Variants in PTPDC1 observed in about 807,000 individuals in gnomAD.
The protein encoded by PTPDC1 is protein tyrosine phosphatase domain-containing protein 1.
A neutral mutation model predicts 75.3 loss-of-function variants in PTPDC1; 53 were observed. The ratio of observed to expected loss-of-function variants is 0.70; its 90% CI spans 0.56 to 0.88. The LOEUF is 0.88. Ranked by LOEUF, PTPDC1 falls within the 40% of genes least tolerant of loss-of-function variation. The pLI is 0.00. For synonymous variants in PTPDC1, 349 were observed against 366.2 expected (o/e 0.95, Z 0.54); for missense variants, 925 against 998.6 (o/e 0.93, Z 0.99).
intron 2 of PTPDC1, among the ~76,000 whole-genome samples, chr9:94,073,614 A>T (rs1254950289): frequency 6.6e-6 from 1 of 151,852 alleles, no homozygotes; most frequent in Non-Finnish European, 1.5e-5. Flanking sequence ...TCTTATTTTT[A>T]TCTGTCCAAT....
chr9:94,065,476 A>C (rs1826272441), intron 2 of PTPDC1, among the ~76,000 whole-genome samples: 1 of 152,258 alleles, frequency 6.6e-6, no homozygotes, highest in Admixed American at 6.5e-5. Flanking sequence ...GTCCTACTGT[A>C]TGGAGAACTT....
chr9:94,088,369 G>T (rs769248487), intron 4 of PTPDC1, 106 bp downstream of exon 4: 36 of 1,309,728 alleles, frequency 2.7e-5, no homozygotes, highest in Non-Finnish European at 3.8e-5. Flanking sequence ...AATACCTTCT[G>T]CATCATAGTA....
At chr9:94,107,229 C>T (rs1313075936) in intron 8 of PTPDC1, among the ~76,000 whole-genome samples, 1 of 152,224 alleles carries the variant, frequency 6.6e-6, no homozygotes, top group African/African-American at 2.4e-5. Context: ...GCTGGGATTA[C>T]AGGCATGAGC....
upstream of PTPDC1, among the ~76,000 whole-genome samples, chr9:94,079,565 C>G (rs1826809759): frequency 6.6e-6 from 1 of 152,194 alleles, no homozygotes; most frequent in Admixed American, 6.5e-5. Flanking sequence ...ACTAGTGTGA[C>G]TACAGTTCAG....
chr9:94,104,723 C>T (rs1267678525), intron 8 of PTPDC1, among the ~76,000 whole-genome samples: 2 of 151,626 alleles, frequency 1.3e-5, no homozygotes, highest in East Asian at 3.9e-4. Flanking sequence ...CTTTGCTTGT[C>T]GAGTCAGTTC....
chr9:94,048,421 T>C (rs1295339838), intron 1 of PTPDC1, among the ~76,000 whole-genome samples: 1 of 152,160 alleles, frequency 6.6e-6, no homozygotes, highest in African/African-American at 2.4e-5. Context: ...TTCTCGTTGG[T>C]TTCAAAGAAC....
At chr9:94,060,466 A>AACATAT (rs1403700673) in intron 1 of PTPDC1, among the ~76,000 whole-genome samples, 2 of 152,224 alleles carry the variant, frequency 1.3e-5, no homozygotes, top group Non-Finnish European at 2.9e-5. Context: ...CAATTAACTC[A>AACATAT]ACATATACTT....
intron 1 of PTPDC1, among the ~76,000 whole-genome samples, chr9:94,052,641 G>A (rs1409620594): frequency 6.6e-6 from 1 of 152,050 alleles, no homozygotes; most frequent in African/African-American, 2.4e-5. Flanking sequence ...TTTAGTTCTT[G>A]CAATTGGATG....
intron 7 of PTPDC1, among the ~76,000 whole-genome samples, chr9:94,103,698 G>A (rs1827922130): frequency 6.6e-6 from 1 of 152,072 alleles, no homozygotes; most frequent in Non-Finnish European, 1.5e-5. Context: ...TTTCTTCTTT[G>A]CTAAGGTAAA....
intron 1 of PTPDC1, among the ~76,000 whole-genome samples, chr9:94,051,560 G>A (rs1490483197): frequency 1.3e-5 from 2 of 152,134 alleles, no homozygotes; most frequent in Admixed American, 1.3e-4. Context: ...ATGTTTGGTG[G>A]AATTCACCAG....
At chr9:94,070,733 G>A (rs977723002) in intron 2 of PTPDC1, among the ~76,000 whole-genome samples, 17 of 152,106 alleles carry the variant, frequency 1.1e-4, no homozygotes, top group South Asian at 4.1e-4. Context: ...TTTTGTCATC[G>A]CAAAAATGTT....
Position 94,097,706 on chromosome 9 carries a change from G to C in PTPDC1, c.1140G>C (p.Glu380Asp). Residue 380 changes from glutamate to aspartate, a missense_variant, in exon 6 of 9, where the codon GAG (glutamate) becomes GAC (aspartate). Physicochemically the swap from Glu to Asp is conservative, Grantham distance 45. Transcript: ENST00000620992. Reference protein sequence around the residue: ...LSAEIEKTMSEMVTMQLDKEL... With the variant: ...LSAEIEKTMSDMVTMQLDKEL... ...CTGAAATAGAAAAGACAATGTCTGA[G>C]ATGGTCACCATGCAGCTGGATAAAG... The C allele has an allele frequency of 6.2e-7, 1 of 1,614,210 alleles. No homozygotes were observed. The highest frequency in any genetic ancestry group is 8.5e-7 in the Non-Finnish European group (1 of 1,180,038).
chr9:94,049,446 A>C (rs998678948), intron 1 of PTPDC1, among the ~76,000 whole-genome samples: 53 of 152,236 alleles, frequency 3.5e-4, no homozygotes, highest in Middle Eastern at 6.8e-3. Context: ...TTGTCTGTAA[A>C]GTATTTTATT....
chr9:94,037,806 G>A (rs974937515), intron 1 of PTPDC1, among the ~76,000 whole-genome samples: 1 of 152,084 alleles, frequency 6.6e-6, no homozygotes, highest in Non-Finnish European at 1.5e-5. Flanking sequence ...AGTCGCTGAA[G>A]GAAAGTTATC....
chr9:94,075,878 T>C (rs1306942947), intron 2 of PTPDC1, among the ~76,000 whole-genome samples: 1 of 152,188 alleles, frequency 6.6e-6, no homozygotes, highest in African/African-American at 2.4e-5. Flanking sequence ...AAAGTACCAA[T>C]CCAGTGTTTT....
chr9:94,056,350 A>G (rs1005156069), intron 1 of PTPDC1, among the ~76,000 whole-genome samples: 2 of 137,348 alleles, frequency 1.5e-5, no homozygotes, highest in African/African-American at 5.2e-5. Flanking sequence ...AAGTTTTTCA[A>G]CCTCAAATTC....
At chr9:94,049,855 C>G (rs1027264367) in intron 1 of PTPDC1, among the ~76,000 whole-genome samples, 1 of 152,290 alleles carries the variant, frequency 6.6e-6, no homozygotes, top group East Asian at 1.9e-4. Context: ...GTGCACTAAT[C>G]CGATGTAGAT....
chr9:94,085,624 T>G (rs533889812), intron 2 of PTPDC1, among the ~76,000 whole-genome samples: 2 of 152,322 alleles, frequency 1.3e-5, no homozygotes, highest in African/African-American at 4.8e-5. Flanking sequence ...GTGGAAATAA[T>G]AAAACCAAAA....
chr9:94,108,443 A>G lies in PTPDC1; in HGVS notation c.*499A>G, dbSNP rs1828098847. ...TGTTACGAAGAAGGCTATTGCTACAATATTTTTAAAGGTTTCTTTTTTAAC... is the reference window on the plus strand; with the variant it reads ...TGTTACGAAGAAGGCTATTGCTACAGTATTTTTAAAGGTTTCTTTTTTAAC... On this transcript the variant is annotated 3_prime_UTR_variant, in exon 9 of 9. Coordinates refer to ENST00000620992, the MANE Select transcript of PTPDC1 (RefSeq NM_001253829.2). 6.6e-6 allele frequency: 1 copy of G among 152,650 alleles called. No individual in the cohort carries two copies. The highest frequency in any genetic ancestry group is 2.1e-4 in the South Asian group (1 of 4,826). The allele number at this position is 152,650 out of a possible 1,614,324, so 9.5% of individuals were successfully genotyped here.
Sources: allele counts gnomAD v4.1 joint callset (sites outside exome capture counted in the v4.1 genomes callset), GRCh38; gene constraint gnomAD v4.1.1; transcripts MANE v1.5; gene names NCBI Gene and HGNC (gene_info 2026-07-23, HGNC 2026-07-21).